TECRL: variants seen among roughly 807,000 people sequenced by gnomAD.
TECRL encodes the protein trans-2,3-enoyl-CoA reductase-like.
Under a neutral mutation model 52.8 loss-of-function variants are expected in TECRL, and 63 were observed. The observed-to-expected ratio is 1.19, with a 90% confidence interval of 0.97 to 1.47. The LOEUF (loss-of-function observed/expected upper bound fraction) is 1.47. TECRL is among the 40% of genes most tolerant of loss of function. The probability of loss-of-function intolerance (pLI) is 0.00; values close to 1 mark genes in which losing one functional copy is unlikely to be tolerated. For synonymous variants in TECRL, 164 were observed against 141.9 expected, an observed-to-expected ratio of 1.16 and a Z score of -1.10; for missense variants, 482 against 429.6, an observed-to-expected ratio of 1.12 and a Z score of -1.08.
chr4:64,382,193 A>G (rs1255089730), intron 1 of TECRL, among the ~76,000 whole-genome samples: 9 of 816 alleles, frequency 0.011, no homozygotes, highest in East Asian at 0.25. Context: ...AAATTTCTGT[A>G]TATATATATA....
chr4:64,307,209 A>C (rs987302500), intron 6 of TECRL, among the ~76,000 whole-genome samples: 1 of 151,998 alleles, frequency 6.6e-6, no homozygotes, highest in Admixed American at 6.6e-5. Flanking sequence ...AGATTTAAGG[A>C]CACCCCCCCT....
chr4:64,303,240 GAA>G (rs5858873), intron 7 of TECRL, among the ~76,000 whole-genome samples: 1 of 150,934 alleles, frequency 6.6e-6, no homozygotes, highest in East Asian at 1.9e-4. Context: ...AAATTTTACA[GAA>G]AAAAAACAAT....
chr4:64,339,454 A>G (rs536200391), intron 2 of TECRL, among the ~76,000 whole-genome samples: 18 of 151,804 alleles, frequency 1.2e-4, no homozygotes, highest in Admixed American at 3.3e-4. Context: ...AAATATATAT[A>G]TATATATGGA....
intron 1 of TECRL, among the ~76,000 whole-genome samples, chr4:64,376,842 AC>A (rs1327768513): frequency 1.3e-5 from 2 of 151,946 alleles, no homozygotes; most frequent in Non-Finnish European, 2.9e-5. Context: ...ACCTAGTGTT[AC>A]TTTTGTTTTG....
chr4:64,394,516 C>T (rs1252475122), intron 1 of TECRL, among the ~76,000 whole-genome samples: 2 of 152,110 alleles, frequency 1.3e-5, no homozygotes, highest in African/African-American at 4.8e-5. Context: ...ATTTAATTCA[C>T]ACACAATTCC....
At chr4:64,303,926 C>A (rs897899158) in intron 7 of TECRL, among the ~76,000 whole-genome samples, 3 of 151,726 alleles carry the variant, frequency 2.0e-5, no homozygotes, top group African/African-American at 7.2e-5. Flanking sequence ...GTATCTTATG[C>A]ATTTAAAGAT....
At chr4:64,338,042 C>T (rs754457632) in intron 2 of TECRL, among the ~76,000 whole-genome samples, 2 of 152,110 alleles carry the variant, frequency 1.3e-5, no homozygotes, top group African/African-American at 2.4e-5. Context: ...TACTATAAGG[C>T]TACAATAACC....
chr4:64,342,225 G>A (rs942389225), intron 2 of TECRL, among the ~76,000 whole-genome samples: 1 of 152,072 alleles, frequency 6.6e-6, no homozygotes, highest in Non-Finnish European at 1.5e-5. Flanking sequence ...AATTACTTAT[G>A]TCTATTAAGA....
At chr4:64,393,014 G>A (rs1723650715) in intron 1 of TECRL, among the ~76,000 whole-genome samples, 1 of 151,848 alleles carries the variant, frequency 6.6e-6, no homozygotes, top group Non-Finnish European at 1.5e-5. Context: ...TTGGTGCTAG[G>A]AATGAGGTGG....
intron 2 of TECRL, among the ~76,000 whole-genome samples, chr4:64,374,541 C>T (rs930977015): frequency 6.6e-6 from 1 of 151,998 alleles, no homozygotes; most frequent in East Asian, 1.9e-4. Context: ...AGGTATATCT[C>T]CTAATGCTAT....
intron 10 of TECRL, 107 bp from the exon 11 acceptor site, chr4:64,281,193 T>C (rs1358335365): frequency 1.6e-5 from 11 of 671,718 alleles, no homozygotes; most frequent in Admixed American, 9.6e-5. Context: ...AGAAAACTTA[T>C]AGATAGGAAT....
intron 4 of TECRL, among the ~76,000 whole-genome samples, chr4:64,320,203 A>G (rs1717805143): frequency 6.6e-6 from 1 of 151,898 alleles, no homozygotes; most frequent in Non-Finnish European, 1.5e-5. Flanking sequence ...AGTAAGTTAA[A>G]TGAGGCAAGA....
At chr4:64,354,624 G>T (rs1720637218) in intron 2 of TECRL, among the ~76,000 whole-genome samples, 1 of 152,168 alleles carries the variant, frequency 6.6e-6, no homozygotes, top group Admixed American at 6.5e-5. Flanking sequence ...TAGTGAAGGA[G>T]TTTTTATGAC....
intron 8 of TECRL, among the ~76,000 whole-genome samples, chr4:64,295,863 TTTAA>T (rs1301905786): frequency 7.9e-5 from 12 of 152,106 alleles, no homozygotes; most frequent in East Asian, 3.9e-4. Flanking sequence ...ATTTTATATC[TTTAA>T]TTAGTCAACT....
chr4:64,293,640 C>T (rs999387492), intron 8 of TECRL, among the ~76,000 whole-genome samples: 2 of 143,254 alleles, frequency 1.4e-5, no homozygotes, highest in African/African-American at 4.9e-5. Flanking sequence ...TGCAATGATC[C>T]ACTTTTACAA....
chr4:64,400,724 C>T (rs1994143), intron 1 of TECRL, among the ~76,000 whole-genome samples: 97,484 of 151,808 alleles, frequency 0.64, 32,541 homozygotes, highest in Non-Finnish European at 0.74. Flanking sequence ...CATCTCCCCT[C>T]TCTTCCTCTT....
At chr4:64,377,158 G>C (rs963053081) in intron 1 of TECRL, among the ~76,000 whole-genome samples, 1 of 151,940 alleles carries the variant, frequency 6.6e-6, no homozygotes, top group South Asian at 2.1e-4. Flanking sequence ...ATTTTCATTT[G>C]ACTTTCACTT....
intron 2 of TECRL, among the ~76,000 whole-genome samples, chr4:64,330,246 A>G (rs964016884): frequency 2.0e-5 from 3 of 152,018 alleles, no homozygotes; most frequent in African/African-American, 7.2e-5. Flanking sequence ...CTGCCAATTT[A>G]TTTTCTGAAA....
chr4:64,384,562 C>A (rs562090768), intron 1 of TECRL, among the ~76,000 whole-genome samples: 2 of 152,242 alleles, frequency 1.3e-5, no homozygotes, highest in Middle Eastern at 3.4e-3. Flanking sequence ...AGGTCCCATT[C>A]TCAGGCCCCC....
Sources: allele counts gnomAD v4.1 joint callset (sites outside exome capture counted in the v4.1 genomes callset), GRCh38; gene constraint gnomAD v4.1.1; transcripts MANE v1.5; gene names NCBI Gene and HGNC (gene_info 2026-07-23, HGNC 2026-07-21).